Variants in WASL observed in about 807,000 individuals in gnomAD.
WASL encodes WASP like actin nucleation promoting factor.
In WASL, 20 loss-of-function variants were observed where a neutral mutation model predicts 55.5. That is an observed-to-expected ratio of 0.36 (90% CI 0.25 to 0.52). WASL has a LOEUF of 0.52. Among genes scored for constraint, WASL ranks in the 20% least tolerant of loss-of-function variants. WASL has a pLI of 0.92. For synonymous variants in WASL, 249 were observed against 217.6 expected, an observed-to-expected ratio of 1.14 and a Z score of -1.27; for missense variants, 504 against 622.5, an observed-to-expected ratio of 0.81 and a Z score of 2.03.
At chr7:123,706,868 T>TA (rs776119531) in intron 2 of WASL, 42 bp from the exon 3 acceptor site, 1 of 1,247,236 alleles carries the variant, frequency 8.0e-7, no homozygotes, top group Non-Finnish European at 1.1e-6. Context: ...TACCAAAACA[T>TA]AATCTCTAGG....
chr7:123,698,147 T>C (rs987018118), intron 5 of WASL, among the ~76,000 whole-genome samples: 1 of 152,110 alleles, frequency 6.6e-6, no homozygotes, highest in Non-Finnish European at 1.5e-5. Flanking sequence ...ATGTTTGCCA[T>C]GAGTACAGCT....
At chr7:123,747,220 A>G (rs1367907199) in intron 1 of WASL, among the ~76,000 whole-genome samples, 1 of 152,152 alleles carries the variant, frequency 6.6e-6, no homozygotes, top group Non-Finnish European at 1.5e-5. Context: ...ACATTATTAA[A>G]TTGCTGTATG....
intron 1 of WASL, among the ~76,000 whole-genome samples, chr7:123,721,908 T>C (rs956983673): frequency 6.6e-6 from 1 of 152,134 alleles, no homozygotes; most frequent in South Asian, 2.1e-4. Context: ...TTTTAGAATG[T>C]ATAAATTAAT....
At chr7:123,743,613 A>T (rs963747618) in intron 1 of WASL, among the ~76,000 whole-genome samples, 1 of 152,158 alleles carries the variant, frequency 6.6e-6, no homozygotes, top group Non-Finnish European at 1.5e-5. Context: ...TTTACTCTAA[A>T]TCCTCCCTGC....
intron 10 of WASL, among the ~76,000 whole-genome samples, chr7:123,687,934 T>A (rs1272375401): frequency 1.3e-5 from 2 of 152,226 alleles, no homozygotes; most frequent in Non-Finnish European, 2.9e-5. Flanking sequence ...GCACCTACTA[T>A]GTGCTAGGCA....
chr7:123,737,101 G>A (rs952938091), intron 1 of WASL, among the ~76,000 whole-genome samples: 3 of 152,102 alleles, frequency 2.0e-5, no homozygotes, highest in African/African-American at 7.2e-5. Flanking sequence ...AAGAAGAATT[G>A]TTTTGGGCCA....
chr7:123,690,176 C>T lies in WASL; in HGVS notation c.1348-1026G>A, dbSNP rs573770581. Among the ~76,000 whole-genome samples, 323 of 152,224 alleles carry T rather than the reference C, an allele frequency of 2.1e-3. 3 individuals are homozygous for T. The highest frequency in any genetic ancestry group is 3.6e-3 in the Non-Finnish European group (248 of 67,996). On this transcript the variant is annotated intron_variant, in intron 9 of 10. Transcript: ENST00000223023. ...AACAGCGGTAGGGACATTTAGACTA[C>T]CTTTAAGCAATGTGATAATGTAAAG...
intron 1 of WASL, among the ~76,000 whole-genome samples, chr7:123,725,675 A>G (rs1804030173): frequency 6.6e-6 from 1 of 152,216 alleles, no homozygotes; most frequent in Non-Finnish European, 1.5e-5. Flanking sequence ...AAGTTCATAC[A>G]TGAGGAAATT....
At chr7:123,710,227 T>C (rs1803733575) in intron 1 of WASL, among the ~76,000 whole-genome samples, 1 of 151,818 alleles carries the variant, frequency 6.6e-6, no homozygotes, top group African/African-American at 2.4e-5. Context: ...TAATTTCACT[T>C]CTAAACTAGA....
chr7:123,692,710 G>A lies in WASL; in HGVS notation c.984C>T (p.Ser328=), dbSNP rs543611492. Residue 328 remains serine, a synonymous_variant, in exon 9 of 11, where the codon TCC becomes TCT. Coordinates refer to ENST00000223023, the MANE Select transcript of WASL (RefSeq NM_003941.4). ...PTAAPPPPPP[S]RPSVAVPPPP... ...GTGGAGGGACTGCTACACTTGGCCT[G>A]GAAGGAGGCGGTGGTGGAGGTGCAG... 2.6e-6 allele frequency: 4 copies of A among 1,517,762 alleles called. No individual in the cohort carries two copies. In the South Asian group the frequency reaches 4.0e-5, roughly 15 times the overall value. 94.0% of individuals were successfully genotyped at this position (1,517,762 alleles called of 1,614,324 possible). A position where few individuals can be genotyped will look rare whatever the true frequency, so the allele number is the denominator to read the frequency against.
intron 1 of WASL, among the ~76,000 whole-genome samples, chr7:123,739,573 T>G (rs1450133920): frequency 6.6e-6 from 1 of 152,210 alleles, no homozygotes; most frequent in Non-Finnish European, 1.5e-5. Flanking sequence ...ATGGGCTTTG[T>G]GTTACATCAG....
At chr7:123,740,180 A>G (rs369652506) in intron 1 of WASL, among the ~76,000 whole-genome samples, 11 of 152,118 alleles carry the variant, frequency 7.2e-5, no homozygotes, top group African/African-American at 2.2e-4. Flanking sequence ...AGACATATAT[A>G]TCTCATACAT....
rs3034923 is a variant in WASL, at chr7:123,684,506, TATA to T, written c.*10_*12del. The stretch of plus-strand genomic sequence containing the variant: ...TTCACCTTAAAAATATATATATATA[TATA>T]ATATATAGATCAGTCTTCCCACTCA... On this transcript the variant is annotated 3_prime_UTR_variant, in exon 11 of 11. Transcript: ENST00000223023. The T allele has an allele frequency of 1.6e-6, 1 of 607,816 alleles. No individual in the cohort carries two copies. The highest frequency in any genetic ancestry group is 2.7e-6 in the Non-Finnish European group (1 of 375,776). The allele number at this position is 607,816 out of a possible 1,614,324, so 37.7% of individuals were successfully genotyped here. A position where few individuals can be genotyped will look rare whatever the true frequency, so the allele number is the denominator to read the frequency against.
intron 1 of WASL, among the ~76,000 whole-genome samples, chr7:123,711,391 C>G (rs1307343648): frequency 6.6e-6 from 1 of 152,062 alleles, no homozygotes; most frequent in African/African-American, 2.4e-5. Flanking sequence ...TTTTCACAGA[C>G]AGGATACTGC....
chr7:123,748,490 G>C (rs1422639551), intron 1 of WASL, 128 bp downstream of exon 1: 5 of 904,652 alleles, frequency 5.5e-6, no homozygotes, highest in South Asian at 1.9e-5. Context: ...GGCCGGGGCC[G>C]GGGCCGGGGC....
intron 10 of WASL, among the ~76,000 whole-genome samples, chr7:123,685,396 C>T (rs1021810082): frequency 4.6e-5 from 7 of 151,802 alleles, no homozygotes; most frequent in African/African-American, 1.7e-4. Context: ...CCTTTCTGTC[C>T]CTTAAACTCA....
intron 7 of WASL, among the ~76,000 whole-genome samples, 192 bp downstream of exon 7, chr7:123,695,631 T>A (rs951569295): frequency 6.6e-6 from 1 of 152,102 alleles, no homozygotes; most frequent in South Asian, 2.1e-4. Flanking sequence ...AACCTTAGTC[T>A]AAGTCTTTAG....
At chr7:123,705,490 G>T (rs1803654723) in intron 4 of WASL, among the ~76,000 whole-genome samples, 1 of 152,146 alleles carries the variant, frequency 6.6e-6, no homozygotes, top group Non-Finnish European at 1.5e-5. Context: ...AAAAAACTTT[G>T]AGAGTCATTG....
chr7:123,706,344 A>G lies in WASL; in HGVS notation c.369T>C (p.Asn123=). The G allele has an allele frequency of 6.2e-7, 1 of 1,613,646 alleles. No individual in the cohort carries two copies. The highest frequency in any genetic ancestry group is 8.5e-7 in the Non-Finnish European group (1 of 1,179,774). Residue 123 remains asparagine (N), a synonymous_variant, in exon 4 of 11, where the codon AAT becomes AAC. Transcript: ENST00000223023. ...TTCGAAATTTTTTTGCTTCTTCTTCATTGGCAAAATTAAGAGCAACTTGAC... is the reference window on the plus strand; with the variant it reads ...TTCGAAATTTTTTTGCTTCTTCTTCGTTGGCAAAATTAAGAGCAACTTGAC... ...DTCQVALNFA[N]EEEAKKFRKA...
Sources: gnomAD v4.1 joint callset for allele counts (sites outside exome capture counted in the v4.1 genomes callset) on GRCh38, gnomAD v4.1.1 for gene constraint, MANE v1.5 for transcripts, NCBI Gene and HGNC (gene_info 2026-07-23, HGNC 2026-07-21) for gene names.